The following WDFY3 variants were observed in gnomAD, a reference collection of about 807,000 sequenced individuals.
WDFY3 encodes the protein WD repeat and FYVE domain-containing protein 3.
In WDFY3, 66 loss-of-function variants were observed where a neutral mutation model predicts 409.6. That is an observed-to-expected ratio of 0.16 (90% CI 0.13 to 0.20). The LOEUF (loss-of-function observed/expected upper bound fraction) is 0.20. Ranked by LOEUF, WDFY3 falls within the 10% of genes least tolerant of loss-of-function variation. The pLI is 1.00. For synonymous variants in WDFY3, 1,521 were observed against 1,537.1 expected, an observed-to-expected ratio of 0.99 and a Z score of 0.25; for missense variants, 3,031 against 4,298.1, an observed-to-expected ratio of 0.71 and a Z score of 8.24.
At chr4:84,894,181 C>T (rs1005782064) in intron 3 of WDFY3, among the ~76,000 whole-genome samples, 1 of 151,896 alleles carries the variant, frequency 6.6e-6, no homozygotes, top group Non-Finnish European at 1.5e-5. Flanking sequence ...AGAGAATAAG[C>T]AAAATATCAA....
intron 1 of WDFY3, among the ~76,000 whole-genome samples, chr4:84,934,093 TC>T (rs1259359097): frequency 6.6e-6 from 1 of 152,096 alleles, no homozygotes. Flanking sequence ...TTTAGGAACC[TC>T]CATACTGTTC....
At chr4:84,812,196 T>C (rs902931257) in intron 13 of WDFY3, among the ~76,000 whole-genome samples, 3 of 152,202 alleles carry the variant, frequency 2.0e-5, no homozygotes, top group African/African-American at 7.2e-5. Flanking sequence ...ATAAAAACAA[T>C]GTTTCTTCCA....
At chr4:84,931,969 C>T (rs1423863900) in intron 2 of WDFY3, among the ~76,000 whole-genome samples, 1 of 152,052 alleles carries the variant, frequency 6.6e-6, no homozygotes, top group Non-Finnish European at 1.5e-5. Flanking sequence ...GGAAATTATG[C>T]TTTAAAAATA....
intron 1 of WDFY3, among the ~76,000 whole-genome samples, chr4:84,965,097 A>T (rs1775459909): frequency 6.6e-6 from 1 of 152,118 alleles, no homozygotes; most frequent in Admixed American, 6.5e-5. Context: ...CTAATACAAC[A>T]TGTTTTTCTA....
intron 9 of WDFY3, among the ~76,000 whole-genome samples, chr4:84,828,131 T>C (rs768801020): frequency 4.0e-5 from 6 of 151,796 alleles, no homozygotes; most frequent in Non-Finnish European, 5.9e-5. Context: ...GACAAGTAAG[T>C]TTACAAAACA....
At chr4:84,757,747 T>C (rs534445559) in intron 32 of WDFY3, among the ~76,000 whole-genome samples, 1 of 152,262 alleles carries the variant, frequency 6.6e-6, no homozygotes, top group South Asian at 2.1e-4. Flanking sequence ...CCCAGCTAAT[T>C]TTTGTAACTT....
intron 58 of WDFY3, among the ~76,000 whole-genome samples, chr4:84,694,299 G>A (rs756390311): frequency 2.6e-5 from 4 of 152,174 alleles, no homozygotes; most frequent in Non-Finnish European, 4.4e-5. Context: ...GCCAGGCTGC[G>A]GGTATATAAT....
At chr4:84,791,313 C>T (rs943006703) in intron 21 of WDFY3, among the ~76,000 whole-genome samples, 4 of 152,268 alleles carry the variant, frequency 2.6e-5, no homozygotes, top group Middle Eastern at 3.4e-3. Context: ...AAGACATATA[C>T]TGCGTGACTC....
chr4:84,832,759 C>A (rs1755929176), intron 7 of WDFY3, among the ~76,000 whole-genome samples: 1 of 152,090 alleles, frequency 6.6e-6, no homozygotes, highest in Non-Finnish European at 1.5e-5. Context: ...ACTATCCTCT[C>A]TTCACCCTAA....
intron 2 of WDFY3, among the ~76,000 whole-genome samples, chr4:84,913,211 T>C (rs915775124): frequency 1.3e-5 from 2 of 152,080 alleles, no homozygotes. Flanking sequence ...CACTACTCTA[T>C]GGAAAGGATT....
Position 84,709,311 on chromosome 4 carries a change from A to T in WDFY3, c.8079T>A (p.Ser2693=). The change falls in exon 52 of 68, where the codon TCT becomes TCA. Residue 2693 remains serine, a synonymous_variant. Transcript: ENST00000295888. ...GLLSTLVGEK[S]VTQRWERGEI... is the part of the protein sequence containing the mutation. ...AACTTACCTCCCATCTCTGAGTCAC[A>T]GACTTCTCTCCAACCAAAGTGCTAA... The T allele has an allele frequency of 6.2e-7, 1 of 1,611,854 alleles. No individual in the cohort carries two copies. Among genetic ancestry groups the T allele is most frequent in the Non-Finnish European group, 8.5e-7 (1 of 1,179,322 alleles).
chr4:84,697,922 A>G (rs1730395474), intron 56 of WDFY3, among the ~76,000 whole-genome samples: 2 of 152,190 alleles, frequency 1.3e-5, no homozygotes, highest in African/African-American at 4.8e-5. Context: ...TTACAATGTG[A>G]TATCGAGTGG....
rs759562790 is a variant in WDFY3 at position 84,774,967 on chromosome 4, T to C, written c.4607A>G (p.Asn1536Ser). The stretch of plus-strand genomic sequence containing the variant: ...CTGGAATTCTCTCATTAATTTGGCA[T>C]TCTTTGAGGCTTCACTATAAGAGAA... Reference protein sequence around the residue: ...LLTESSEASKNAKLMREFQLI... With the variant: ...LLTESSEASKSAKLMREFQLI... The change falls in exon 29 of 68, where the codon AAT becomes AGT. Residue 1536 changes from asparagine (N) to serine (S), a missense_variant. Around this residue, in one of 16 missense-constraint regions of WDFY3, gnomAD observed 342 missense variants for 463.7 expected, o/e 0.74. Coordinates refer to ENST00000295888, the MANE Select transcript of WDFY3 (RefSeq NM_014991.6). The C allele has an allele frequency of 1.2e-6, 2 of 1,613,842 alleles. No individual in the cohort carries two copies. The highest frequency in any genetic ancestry group is 3.3e-5 in the Admixed American group (2 of 59,998).
chr4:84,705,753 T>C (rs910375624), intron 53 of WDFY3, among the ~76,000 whole-genome samples: 3 of 152,188 alleles, frequency 2.0e-5, no homozygotes, highest in South Asian at 4.1e-4. Context: ...GGAAATTATA[T>C]GTTTCACAGA....
intron 9 of WDFY3, among the ~76,000 whole-genome samples, chr4:84,828,458 T>C (rs987452934): frequency 2.0e-5 from 3 of 152,166 alleles, no homozygotes; most frequent in African/African-American, 7.2e-5. Flanking sequence ...TAAGAAGATA[T>C]TAATTAGTTT....
intron 1 of WDFY3, among the ~76,000 whole-genome samples, chr4:84,948,332 T>C (rs1480544543): frequency 6.6e-6 from 1 of 152,154 alleles, no homozygotes. Context: ...AAGACGTTAG[T>C]ATGAGGCATC....
intron 34 of WDFY3, 27 bp downstream of exon 34, chr4:84,755,239 T>TA (rs747147417): frequency 1.2e-6 from 2 of 1,601,278 alleles, no homozygotes; most frequent in South Asian, 2.3e-5. Flanking sequence ...GAATTCTCAA[T>TA]AGGCCTGGGC....
At chr4:84,827,131 A>C (rs1374958645) in intron 9 of WDFY3, 150 bp from the exon 10 acceptor site, 6 of 725,986 alleles carry the variant, frequency 8.3e-6, no homozygotes, top group Non-Finnish European at 1.2e-5. Flanking sequence ...TTAGGGAATT[A>C]TCTTTTAACC....
intron 26 of WDFY3, 88 bp from the exon 27 acceptor site, chr4:84,778,743 A>G: frequency 8.1e-7 from 1 of 1,239,234 alleles, no homozygotes; most frequent in Non-Finnish European, 1.1e-6. Flanking sequence ...ACACACAAAC[A>G]CACACATACA....
Sources: gnomAD v4.1 joint callset for allele counts (sites outside exome capture counted in the v4.1 genomes callset) on GRCh38, gnomAD v4.1.1 for gene constraint, gnomAD v4.1.1 regional missense constraint, MANE v1.5 for transcripts, NCBI Gene and HGNC (gene_info 2026-07-23, HGNC 2026-07-21) for gene names.